SLC2A9: variants seen among roughly 807,000 people sequenced by gnomAD.
SLC2A9 encodes the protein solute carrier family 2, facilitated glucose transporter member 9.
Under a neutral mutation model 50.6 loss-of-function variants are expected in SLC2A9, and 39 were observed. That is an observed-to-expected ratio of 0.77 (90% CI 0.60 to 1.01). SLC2A9 has a LOEUF of 1.01. Ranked by LOEUF, SLC2A9 falls within the 50% of genes least tolerant of loss-of-function variation. The probability of loss-of-function intolerance (pLI) is 0.00; values close to 1 mark genes in which losing one functional copy is unlikely to be tolerated. For synonymous variants in SLC2A9, 324 were observed against 276.9 expected (o/e 1.17, Z -1.69); for missense variants, 686 against 677.6 (o/e 1.01, Z -0.14).
chr4:9,967,592 T>C (rs1445530010), intron 5 of SLC2A9, among the ~76,000 whole-genome samples: 1 of 151,872 alleles, frequency 6.6e-6, no homozygotes, highest in African/African-American at 2.4e-5. Context: ...AATAATTTTT[T>C]TAAATTAAAA....
intron 5 of SLC2A9, among the ~76,000 whole-genome samples, chr4:9,947,515 T>A (rs768183453): frequency 5.3e-5 from 8 of 152,224 alleles, no homozygotes; most frequent in Non-Finnish European, 1.2e-4. Context: ...GTATTTTATT[T>A]CGCTTTCATA....
intron 3 of SLC2A9, among the ~76,000 whole-genome samples, chr4:9,792,104 C>G (rs1465131087): frequency 1.3e-5 from 2 of 151,592 alleles, no homozygotes; most frequent in Middle Eastern, 3.5e-3. Flanking sequence ...GATTTGAAAG[C>G]CTGTGCTCAT....
intron 5 of SLC2A9, among the ~76,000 whole-genome samples, chr4:9,965,834 A>G (rs1055066951): frequency 2.0e-5 from 3 of 152,240 alleles, no homozygotes; most frequent in Non-Finnish European, 4.4e-5. Context: ...CTTTATTGAA[A>G]AGACAGAAAT....
chr4:9,957,468 T>C (rs1395491161), intron 5 of SLC2A9, among the ~76,000 whole-genome samples: 1 of 152,064 alleles, frequency 6.6e-6, no homozygotes, highest in Non-Finnish European at 1.5e-5. Context: ...TGAAAAAGTG[T>C]CTAACACAAA....
At chr4:9,943,141 G>C (rs182592473) in intron 5 of SLC2A9, among the ~76,000 whole-genome samples, 1 of 152,092 alleles carries the variant, frequency 6.6e-6, no homozygotes, top group East Asian at 1.9e-4. Flanking sequence ...CCCAAGACTC[G>C]CTCCCTACTG....
At chr4:9,808,435 T>C in intron 3 of SLC2A9, among the ~76,000 whole-genome samples, 1 of 152,202 alleles carries the variant, frequency 6.6e-6, no homozygotes, top group East Asian at 1.9e-4. Context: ...TAGGGGCCAT[T>C]GGGTGGTGAC....
At position 9,807,389 on chromosome 4, in the gene SLC2A9, A is replaced by G. The variant is rs547152799; in HGVS notation, n.421-8148T>C. On this transcript the variant is annotated intron_variant and non_coding_transcript_variant, in intron 3 of 3. Transcript: ENST00000503280. The stretch of plus-strand genomic sequence containing the variant: ...AGCTGAAATGTCTCTTCCTCCAGGA[A>G]GCTACCCCCTGATCTCCCCCACATT... Among the ~76,000 whole-genome samples the G allele has an allele frequency of 8.7e-4, 133 of 152,270 alleles. 1 individual carries two copies. Among genetic ancestry groups the G allele is most frequent in the African/African-American group, 3.1e-3 (128 of 41,558 alleles).
At chr4:9,956,176 C>T (rs887173164) in intron 5 of SLC2A9, among the ~76,000 whole-genome samples, 10 of 151,428 alleles carry the variant, frequency 6.6e-5, no homozygotes, top group African/African-American at 2.4e-4. Flanking sequence ...ACCCAGTGAG[C>T]ATCTGGATTT....
chr4:9,917,874 C>T (rs909759799), intron 7 of SLC2A9, among the ~76,000 whole-genome samples: 2 of 152,152 alleles, frequency 1.3e-5, no homozygotes, highest in Non-Finnish European at 2.9e-5. Flanking sequence ...GCACACAGCA[C>T]AGCCCCCATG....
intron 5 of SLC2A9, among the ~76,000 whole-genome samples, chr4:9,942,333 C>A (rs1748313176): frequency 1.3e-5 from 2 of 152,212 alleles, no homozygotes; most frequent in Admixed American, 6.5e-5. Context: ...CACTCAAGGG[C>A]TGCTTGACCC....
At chr4:9,816,316 T>C (rs1723587432) in intron 3 of SLC2A9, among the ~76,000 whole-genome samples, 1 of 152,198 alleles carries the variant, frequency 6.6e-6, no homozygotes, top group African/African-American at 2.4e-5. Context: ...CTGCTGCTGC[T>C]GTAACTAATT....
intron 3 of SLC2A9, among the ~76,000 whole-genome samples, 198 bp from the exon 4 acceptor site, chr4:9,985,991 G>A (rs1462844297): frequency 6.6e-6 from 1 of 152,154 alleles, no homozygotes; most frequent in East Asian, 1.9e-4. Flanking sequence ...CACTTACAAA[G>A]GCACCATCAG....
Position 9,826,828 on chromosome 4 carries a change from AC to A in SLC2A9, c.1420-229del, listed in dbSNP as rs1182699871. Among the ~76,000 whole-genome samples, 7 of 152,346 alleles carry A rather than the reference AC, an allele frequency of 4.6e-5. No individual in the cohort carries two copies. In the East Asian group the frequency reaches 1.4e-3, roughly 29 times the overall value. ...ACTCTGGGAAAGATGAGAAAATGGC[AC>A]TTTTTTGTTGTTGTTGTTGCAAATT... On this transcript the variant is annotated intron_variant, in intron 11 of 11. Transcript: ENST00000264784.
At chr4:9,911,277 G>A (rs1227292138) in intron 7 of SLC2A9, among the ~76,000 whole-genome samples, 2 of 152,238 alleles carry the variant, frequency 1.3e-5, no homozygotes, top group East Asian at 1.9e-4. Context: ...GGCTGGCCCT[G>A]TCTGCCCCGG....
intron 11 of SLC2A9, among the ~76,000 whole-genome samples, chr4:9,831,807 A>C (rs1726190675): frequency 6.6e-6 from 1 of 152,206 alleles, no homozygotes; most frequent in Admixed American, 6.5e-5. Context: ...AGTGTGAGTG[A>C]GCTTCTCATG....
chr4:9,983,543 C>A (rs1356474344), intron 4 of SLC2A9, among the ~76,000 whole-genome samples: 1 of 152,126 alleles, frequency 6.6e-6, no homozygotes, highest in Admixed American at 6.5e-5. Flanking sequence ...ACCAGGCCAC[C>A]TGCTAACACC....
intron 6 of SLC2A9, among the ~76,000 whole-genome samples, chr4:9,931,956 CTCTCTCTATATATATA>C (rs1449573675): frequency 1.8e-4 from 8 of 43,300 alleles, no homozygotes; most frequent in East Asian, 1.1e-3. Context: ...CTCTCTCTCT[CTCTCTCTATATATATA>C]TATATATATA....
chr4:9,956,168 C>G (rs1295668447), intron 5 of SLC2A9, among the ~76,000 whole-genome samples: 1 of 142,326 alleles, frequency 7.0e-6, no homozygotes, highest in Non-Finnish European at 1.5e-5. Context: ...CGTGATCCAC[C>G]CAGTGAGCAT....
At chr4:10,033,957 C>T (rs1306960228) in intron 1 of SLC2A9, among the ~76,000 whole-genome samples, 1 of 152,212 alleles carries the variant, frequency 6.6e-6, no homozygotes, top group Non-Finnish European at 1.5e-5. Flanking sequence ...GCTTCCCCCG[C>T]CAGCCCCTTT....
Sources: gnomAD v4.1 joint callset for allele counts (sites outside exome capture counted in the v4.1 genomes callset) on GRCh38, gnomAD v4.1.1 for gene constraint, MANE v1.5 for transcripts, NCBI Gene and HGNC (gene_info 2026-07-23, HGNC 2026-07-21) for gene names.